SLC25A13: variants seen among roughly 807,000 people sequenced by gnomAD.
SLC25A13 encodes the protein solute carrier family 25 member 13.
In SLC25A13, 70 loss-of-function variants were observed where a neutral mutation model predicts 85.5. That is an observed-to-expected ratio of 0.82 (90% CI 0.68 to 1.00). The LOEUF (loss-of-function observed/expected upper bound fraction) is 1.00. Among genes scored for constraint, SLC25A13 ranks in the 50% least tolerant of loss-of-function variants. The pLI is 0.00. For missense variants in SLC25A13, 765 were observed against 819.8 expected, an observed-to-expected ratio of 0.93 and a Z score of 0.82; for synonymous variants, 259 against 288.7, an observed-to-expected ratio of 0.90 and a Z score of 1.04.
At chr7:96,135,132 C>T (rs952845722) in intron 14 of SLC25A13, among the ~76,000 whole-genome samples, 2 of 152,074 alleles carry the variant, frequency 1.3e-5, no homozygotes, top group African/African-American at 4.8e-5. Context: ...GTGACTGGGA[C>T]AACTGAAACT....
Position 96,120,602 on chromosome 7 carries a change from A to G in SLC25A13, c.*589T>C. The G allele has an allele frequency of 4.4e-6, 2 of 454,558 alleles. No homozygotes were observed. Among genetic ancestry groups the G allele is most frequent in the South Asian group, 3.1e-5 (2 of 64,470 alleles). 28.2% of individuals were successfully genotyped at this position (454,558 alleles called of 1,614,324 possible). On this transcript the variant is annotated 3_prime_UTR_variant, in exon 18 of 18. Transcript: ENST00000265631. The stretch of plus-strand genomic sequence containing the variant: ...CCTAGTAGTCTTGGTACCAGTAACA[A>G]TATGATTACTAAACATCTCCAATGT...
At chr7:96,228,153 T>C (rs1796388532) in intron 4 of SLC25A13, among the ~76,000 whole-genome samples, 1 of 152,300 alleles carries the variant, frequency 6.6e-6, no homozygotes, top group Non-Finnish European at 1.5e-5. Flanking sequence ...TGGGAATCAC[T>C]GTGCCTGGCC....
chr7:96,283,575 A>C (rs1027908665), intron 2 of SLC25A13: 2 of 329,852 alleles, frequency 6.1e-6, no homozygotes, highest in Non-Finnish European at 1.2e-5. Flanking sequence ...TGCTGTTGGC[A>C]CTGTTGTAAA....
chr7:96,202,049 A>C (rs1456698672), intron 5 of SLC25A13, among the ~76,000 whole-genome samples: 2 of 152,166 alleles, frequency 1.3e-5, no homozygotes. Context: ...CATGTTACAC[A>C]GAAAAGAAGT....
intron 2 of SLC25A13, among the ~76,000 whole-genome samples, chr7:96,289,551 G>A (rs1018092041): frequency 2.6e-5 from 4 of 152,288 alleles, no homozygotes; most frequent in South Asian, 4.1e-4. Context: ...AACCAGCGTA[G>A]AGAAGTCCTT....
chr7:96,171,831 CA>C (rs1487141549), intron 11 of SLC25A13, among the ~76,000 whole-genome samples: 1 of 152,172 alleles, frequency 6.6e-6, no homozygotes, highest in African/African-American at 2.4e-5. Flanking sequence ...CCTTCTAAAT[CA>C]GTGGACCACT....
At chr7:96,252,107 G>C (rs1797452047) in intron 3 of SLC25A13, among the ~76,000 whole-genome samples, 1 of 152,030 alleles carries the variant, frequency 6.6e-6, no homozygotes, top group Non-Finnish European at 1.5e-5. Context: ...TTTTATTTGG[G>C]GACTTGAGTC....
At chr7:96,315,440 G>A (rs1398253857) in intron 1 of SLC25A13, among the ~76,000 whole-genome samples, 1 of 152,180 alleles carries the variant, frequency 6.6e-6, no homozygotes. Flanking sequence ...TCAGTATGTA[G>A]GGAATCACTG....
intron 3 of SLC25A13, among the ~76,000 whole-genome samples, chr7:96,251,585 G>A (rs1797429783): frequency 6.6e-6 from 1 of 152,170 alleles, no homozygotes; most frequent in South Asian, 2.1e-4. Flanking sequence ...ATCATTGGGT[G>A]TTGAATCACT....
At chr7:96,173,025 C>T (rs370471070) in intron 11 of SLC25A13, among the ~76,000 whole-genome samples, 23 of 152,192 alleles carry the variant, frequency 1.5e-4, no homozygotes, top group Admixed American at 2.0e-4. Flanking sequence ...TCCAAAGTGT[C>T]GGGATTACAG....
chr7:96,203,911 G>A (rs1000123398), intron 5 of SLC25A13, among the ~76,000 whole-genome samples: 4 of 152,156 alleles, frequency 2.6e-5, no homozygotes, highest in Non-Finnish European at 5.9e-5. Context: ...GTAACTTCTA[G>A]GAACAGAAAA....
At chr7:96,217,601 CATT>C (rs1209093798) in intron 4 of SLC25A13, among the ~76,000 whole-genome samples, 3 of 152,084 alleles carry the variant, frequency 2.0e-5, no homozygotes, top group African/African-American at 7.2e-5. Context: ...GCCTTGGAAA[CATT>C]ATGCTAAGTA....
At chr7:96,163,441 T>C (rs1793596850) in intron 13 of SLC25A13, among the ~76,000 whole-genome samples, 1 of 152,144 alleles carries the variant, frequency 6.6e-6, no homozygotes, top group African/African-American at 2.4e-5. Flanking sequence ...CCCATAACCA[T>C]ATAAGGATCC....
At position 96,294,508 on chromosome 7, in the gene SLC25A13, C is replaced by A. The variant is rs567853286; in HGVS notation, c.69+2390G>T. Among the ~76,000 whole-genome samples, 9 of 151,434 alleles carry A rather than the reference C, an allele frequency of 5.9e-5. No homozygotes were observed. In the South Asian group the frequency reaches 1.7e-3, roughly 28 times the overall value. ...CCTATAATCCCAGCTACTCGGGAGG[C>A]TGAGGCATGAGAATCACATGAACCC... is the stretch of plus-strand genomic sequence containing the variant. On this transcript the variant is annotated intron_variant, in intron 2 of 17. Coordinates refer to ENST00000265631, the MANE Select transcript of SLC25A13 (RefSeq NM_014251.3).
chr7:96,210,604 C>A (rs572471910), intron 4 of SLC25A13, among the ~76,000 whole-genome samples: 1 of 152,128 alleles, frequency 6.6e-6, no homozygotes, highest in Admixed American at 6.6e-5. Flanking sequence ...TTCTTCAGTG[C>A]AAAACATATT....
At chr7:96,243,465 A>G (rs1477362720) in intron 3 of SLC25A13, among the ~76,000 whole-genome samples, 2 of 152,184 alleles carry the variant, frequency 1.3e-5, no homozygotes, top group African/African-American at 4.8e-5. Context: ...AGGGTAAAAT[A>G]GAGCAACGCC....
chr7:96,315,954 C>CAA (rs769662773), intron 1 of SLC25A13, among the ~76,000 whole-genome samples: 4 of 136,390 alleles, frequency 2.9e-5, no homozygotes, highest in East Asian at 2.1e-4. Flanking sequence ...CCCGTCTCTA[C>CAA]AAAAAAAAAA....
chr7:96,307,847 ACATT>A (rs1231562796), intron 1 of SLC25A13, among the ~76,000 whole-genome samples: 5 of 152,022 alleles, frequency 3.3e-5, no homozygotes, highest in Non-Finnish European at 7.4e-5. Context: ...TTGCAATGGA[ACATT>A]TAAATCTGAC....
chr7:96,314,996 C>G (rs948994342), intron 1 of SLC25A13, among the ~76,000 whole-genome samples: 7 of 152,140 alleles, frequency 4.6e-5, no homozygotes, highest in Non-Finnish European at 8.8e-5. Flanking sequence ...TAATGCTTCC[C>G]TCCTCCAGCA....
Sources: gnomAD v4.1 joint callset for allele counts (sites outside exome capture counted in the v4.1 genomes callset) on GRCh38, gnomAD v4.1.1 for gene constraint, MANE v1.5 for transcripts, NCBI Gene and HGNC (gene_info 2026-07-23, HGNC 2026-07-21) for gene names.